Variants in TMPRSS11D observed in about 807,000 individuals in gnomAD.
The protein encoded by TMPRSS11D is transmembrane protease serine 11D.
In TMPRSS11D, 32 loss-of-function variants were observed where a neutral mutation model predicts 44.4. The observed-to-expected ratio is 0.72, with a 90% CI of 0.54 to 0.97. TMPRSS11D has a LOEUF of 0.97. Ranked by LOEUF, TMPRSS11D falls within the 50% of genes least tolerant of loss-of-function variation. The pLI is 0.00. For synonymous variants in TMPRSS11D, 179 were observed against 177.9 expected, an observed-to-expected ratio of 1.01 and a Z score of -0.05; for missense variants, 446 against 502.6, an observed-to-expected ratio of 0.89 and a Z score of 1.08.
intron 1 of TMPRSS11D, among the ~76,000 whole-genome samples, chr4:67,873,809 A>G (rs1194283632): frequency 6.6e-6 from 1 of 152,138 alleles, no homozygotes; most frequent in Non-Finnish European, 1.5e-5. Flanking sequence ...AGAAAAGTGG[A>G]GTGATTGTAC....
chr4:67,823,416 A>C, intron 9 of TMPRSS11D, among the ~76,000 whole-genome samples: 1 of 152,148 alleles, frequency 6.6e-6, no homozygotes, highest in East Asian at 1.9e-4. Flanking sequence ...GTGGGTTCTG[A>C]AACTAGATAG....
Position 67,883,964 on chromosome 4 carries a change from T to C in TMPRSS11D, c.-31A>G. The C allele has an allele frequency of 6.2e-7, 1 of 1,600,352 alleles. No homozygotes were observed. Among genetic ancestry groups the C allele is most frequent in the Non-Finnish European group, 8.5e-7 (1 of 1,173,710 alleles). The stretch of plus-strand genomic sequence containing the variant: ...TCCTTAATGAAGAGGTTCTTTTTTC[T>C]GCCTACTCAACTGCTTTGAGATTCC... On this transcript the variant is annotated 5_prime_UTR_variant, in exon 1 of 10. Coordinates refer to ENST00000283916, the MANE Select transcript of TMPRSS11D (RefSeq NM_004262.3).
chr4:67,850,755 C>A (rs1397834120), intron 3 of TMPRSS11D, among the ~76,000 whole-genome samples: 2 of 152,140 alleles, frequency 1.3e-5, no homozygotes, highest in African/African-American at 4.8e-5. Flanking sequence ...GCGTGTGTGC[C>A]TTCATTTGTC....
At chr4:67,830,432 T>TA (rs1264921316) in intron 7 of TMPRSS11D, among the ~76,000 whole-genome samples, 2 of 151,942 alleles carry the variant, frequency 1.3e-5, no homozygotes, top group African/African-American at 4.8e-5. Context: ...AAGGGTTGAG[T>TA]AAAAACAAAA....
chr4:67,838,022 G>C, intron 5 of TMPRSS11D, 150 bp downstream of exon 5: 2 of 547,740 alleles, frequency 3.7e-6, no homozygotes, highest in Non-Finnish European at 6.0e-6. Context: ...ACGTTAGGGA[G>C]CTATATGGTA....
At chr4:67,870,812 T>C (rs1343233656) in intron 1 of TMPRSS11D, among the ~76,000 whole-genome samples, 1 of 20,280 alleles carries the variant, frequency 4.9e-5, no homozygotes, top group Non-Finnish European at 1.0e-4. Flanking sequence ...AGACCCTGTC[T>C]CAAAAAAAAA....
At chr4:67,829,568 C>T (rs1717894379) in intron 7 of TMPRSS11D, among the ~76,000 whole-genome samples, 1 of 151,640 alleles carries the variant, frequency 6.6e-6, no homozygotes. Flanking sequence ...ATTAGATATA[C>T]CATAGACAAG....
At chr4:67,830,131 G>A (rs1717909143) in intron 7 of TMPRSS11D, among the ~76,000 whole-genome samples, 1 of 152,056 alleles carries the variant, frequency 6.6e-6, no homozygotes, top group East Asian at 1.9e-4. Flanking sequence ...TCCAAGAATT[G>A]AGTGAAAACA....
intron 7 of TMPRSS11D, 87 bp downstream of exon 7, chr4:67,833,117 C>T: frequency 1.7e-6 from 2 of 1,198,356 alleles, no homozygotes; most frequent in Non-Finnish European, 2.1e-6. Flanking sequence ...TTATTTCTGG[C>T]TCAATTCAAT....
Position 67,822,618 on chromosome 4 carries a change from A to G in TMPRSS11D, c.1096-120T>C, listed in dbSNP as rs181747541. ...TTCATTATACAAATAAAGTCAGCCT[A>G]TTTCCTTTTGAAATATTATACCAAG... On this transcript the variant is annotated intron_variant, in intron 9 of 9. Transcript: ENST00000283916. 1.2e-5 allele frequency: 13 copies of G among 1,128,622 alleles called. No individual in the cohort carries two copies. The Middle Eastern group carries it at 7.1e-4, about 62-fold the overall frequency. 69.9% of individuals were successfully genotyped at this position (1,128,622 alleles called of 1,614,324 possible).
chr4:67,823,571 A>C (rs995074356), intron 9 of TMPRSS11D, among the ~76,000 whole-genome samples: 1 of 152,178 alleles, frequency 6.6e-6, no homozygotes. Context: ...TAGTATAGTC[A>C]GTACTAATAA....
intron 6 of TMPRSS11D, among the ~76,000 whole-genome samples, chr4:67,834,615 T>C (rs1443399644): frequency 2.0e-5 from 3 of 152,176 alleles, no homozygotes; most frequent in Non-Finnish European, 4.4e-5. Context: ...TGACTTTTCC[T>C]TCAGGTTATA....
intron 3 of TMPRSS11D, among the ~76,000 whole-genome samples, chr4:67,848,983 G>T (rs1718429749): frequency 6.6e-6 from 1 of 152,160 alleles, no homozygotes; most frequent in South Asian, 2.1e-4. Flanking sequence ...TAATGCAAAT[G>T]AACAGATTAG....
At chr4:67,858,624 C>CTA (rs1220943982) in intron 2 of TMPRSS11D, among the ~76,000 whole-genome samples, 1 of 152,074 alleles carries the variant, frequency 6.6e-6, no homozygotes, top group African/African-American at 2.4e-5. Context: ...ATTGGACATA[C>CTA]TATAAGTTAT....
At chr4:67,879,374 G>A (rs948025243) in intron 1 of TMPRSS11D, among the ~76,000 whole-genome samples, 4 of 151,388 alleles carry the variant, frequency 2.6e-5, no homozygotes, top group Non-Finnish European at 4.4e-5. Context: ...CCAGCTACTC[G>A]GCAGGCTGAA....
intron 3 of TMPRSS11D, among the ~76,000 whole-genome samples, chr4:67,853,709 G>A (rs1278036674): frequency 6.6e-6 from 1 of 152,158 alleles, no homozygotes; most frequent in African/African-American, 2.4e-5. Flanking sequence ...AACACCTCCT[G>A]CTTTGCGTCT....
chr4:67,855,127 C>T (rs867603306), intron 2 of TMPRSS11D, among the ~76,000 whole-genome samples: 6 of 151,826 alleles, frequency 4.0e-5, no homozygotes, highest in South Asian at 4.2e-4. Flanking sequence ...TGGTGGCAGG[C>T]GCCTGTAATC....
intron 2 of TMPRSS11D, among the ~76,000 whole-genome samples, chr4:67,856,331 C>T (rs1718633725): frequency 6.6e-6 from 1 of 152,012 alleles, no homozygotes; most frequent in South Asian, 2.1e-4. Context: ...AAGAAATTCA[C>T]CTACAGCCAA....
At chr4:67,846,809 TAAAAC>T (rs1560542052) in intron 3 of TMPRSS11D, among the ~76,000 whole-genome samples, 3 of 152,164 alleles carry the variant, frequency 2.0e-5, no homozygotes, top group Non-Finnish European at 4.4e-5. Context: ...TGATTTTCAG[TAAAAC>T]AAAACAAAAG....
Sources: gnomAD v4.1 joint callset for allele counts (sites outside exome capture counted in the v4.1 genomes callset) on GRCh38, gnomAD v4.1.1 for gene constraint, MANE v1.5 for transcripts, NCBI Gene and HGNC (gene_info 2026-07-23, HGNC 2026-07-21) for gene names.